EYA2: variants seen among roughly 807,000 people sequenced by gnomAD.
The protein encoded by EYA2 is EYA transcriptional coactivator and phosphatase 2.
A neutral mutation model predicts 69.2 loss-of-function variants in EYA2; 31 were observed. The observed-to-expected ratio is 0.45, with a 90% CI of 0.34 to 0.60. EYA2 has a LOEUF of 0.60. EYA2 is among the 20% of genes least tolerant of loss of function. The probability of loss-of-function intolerance (pLI) is 0.02; values close to 1 mark genes in which losing one functional copy is unlikely to be tolerated. For synonymous variants in EYA2, 257 were observed against 279.4 expected, an observed-to-expected ratio of 0.92 and a Z score of 0.80; for missense variants, 622 against 701.2, an observed-to-expected ratio of 0.89 and a Z score of 1.28.
chr20:47,054,423 A>C (rs934128699), intron 5 of EYA2, among the ~76,000 whole-genome samples: 1 of 152,220 alleles, frequency 6.6e-6, no homozygotes, highest in African/African-American at 2.4e-5. Flanking sequence ...TGTCGAATTC[A>C]TGAATCCGTC....
chr20:47,127,359 T>G (rs2033218886), intron 9 of EYA2, among the ~76,000 whole-genome samples: 1 of 152,142 alleles, frequency 6.6e-6, no homozygotes, highest in Admixed American at 6.6e-5. Flanking sequence ...ATCCCAGCAC[T>G]TTGGAAGGCC....
chr20:46,981,695 G>A (rs2146313854), intron 1 of EYA2, among the ~76,000 whole-genome samples: 1 of 152,194 alleles, frequency 6.6e-6, no homozygotes, highest in South Asian at 2.1e-4. Flanking sequence ...ATTATTGTAT[G>A]TCCCTGTAAA....
intron 1 of EYA2, among the ~76,000 whole-genome samples, chr20:46,941,591 G>A (rs1986155710): frequency 6.6e-6 from 1 of 152,184 alleles, no homozygotes; most frequent in Admixed American, 6.5e-5. Flanking sequence ...TTTACCTGCT[G>A]TGTGATGTTG....
intron 12 of EYA2, among the ~76,000 whole-genome samples, chr20:47,179,321 G>A (rs1219797551): frequency 9.3e-6 from 1 of 107,564 alleles, no homozygotes; most frequent in Admixed American, 8.5e-5. Flanking sequence ...CTGATGGGTG[G>A]GTGGGTGTGT....
chr20:47,053,667 C>CAAAAAAAAA (rs1215223667), intron 5 of EYA2, among the ~76,000 whole-genome samples: 1 of 66,794 alleles, frequency 1.5e-5, no homozygotes, highest in African/African-American at 5.7e-5. Context: ...GACCTTGTCT[C>CAAAAAAAAA]AAAAAAAAAA....
chr20:47,121,304 G>A (rs2033037340), intron 9 of EYA2, among the ~76,000 whole-genome samples: 1 of 152,110 alleles, frequency 6.6e-6, no homozygotes, highest in Admixed American at 6.6e-5. Flanking sequence ...GTTTGGCCAG[G>A]CTTGTCTCGA....
chr20:47,092,458 C>T (rs1411485591), intron 8 of EYA2, among the ~76,000 whole-genome samples: 1 of 152,206 alleles, frequency 6.6e-6, no homozygotes, highest in East Asian at 1.9e-4. Context: ...TCAGGTTGTA[C>T]TTGCTGTCTG....
At chr20:47,084,541 A>T (rs1054587889) in intron 7 of EYA2, among the ~76,000 whole-genome samples, 3 of 152,304 alleles carry the variant, frequency 2.0e-5, no homozygotes, top group Admixed American at 6.5e-5. Flanking sequence ...TGTCTCAAAA[A>T]ATAAAGAAAT....
At chr20:47,107,699 CAAAAG>C (rs754411083) in intron 9 of EYA2, among the ~76,000 whole-genome samples, 25 of 112,000 alleles carry the variant, frequency 2.2e-4, no homozygotes, top group South Asian at 8.5e-4. Context: ...AAAGAAAAAA[CAAAAG>C]AGAAGAAGGA....
At chr20:47,089,436 A>G in intron 8 of EYA2, 55 bp downstream of exon 8, 2 of 1,556,200 alleles carry the variant, frequency 1.3e-6, no homozygotes, top group Non-Finnish European at 1.7e-6. Flanking sequence ...TCTGAGGCCC[A>G]AACAAGAGTG....
At chr20:47,010,614 G>A (rs915666193) in intron 4 of EYA2, among the ~76,000 whole-genome samples, 2 of 109,014 alleles carry the variant, frequency 1.8e-5, no homozygotes, top group African/African-American at 6.9e-5. Flanking sequence ...GGGTGACAGA[G>A]TGAAATCCTG....
intron 4 of EYA2, among the ~76,000 whole-genome samples, chr20:47,014,633 T>C (rs922824638): frequency 4.2e-4 from 42 of 99,966 alleles, no homozygotes; most frequent in African/African-American, 1.7e-3. Context: ...ACAAAATGTG[T>C]GTGTGTGTGT....
chr20:47,114,917 C>T (rs978657574), intron 9 of EYA2, among the ~76,000 whole-genome samples: 5 of 152,206 alleles, frequency 3.3e-5, no homozygotes, highest in African/African-American at 1.2e-4. Flanking sequence ...GGCCTTCTGC[C>T]ATGAATAAAA....
At position 47,089,526 on chromosome 20, in the gene EYA2, G is replaced by A. The variant is rs544477658; in HGVS notation, c.804+145G>A. On this transcript the variant is annotated intron_variant, in intron 8 of 15. Transcript: ENST00000327619. ...AGCATGAGCAGGGAAGCATGAGGTT[G>A]TCCAAGCAGGTAGTCCTGGGGCCAG... 2.5e-4 allele frequency: 231 copies of A among 932,402 alleles called. No homozygotes were observed. The African/African-American group carries it at 2.8e-3, about 11-fold the overall frequency. The allele number at this position is 932,402 out of a possible 1,614,324, so 57.8% of individuals were successfully genotyped here. A position where few individuals can be genotyped will look rare whatever the true frequency, so the allele number is the denominator to read the frequency against.
chr20:47,005,857 A>G (rs911968194), intron 4 of EYA2, among the ~76,000 whole-genome samples: 2 of 152,196 alleles, frequency 1.3e-5, no homozygotes, highest in Admixed American at 1.3e-4. Context: ...TCTGGCCTTG[A>G]GTCATGCTAT....
intron 1 of EYA2, among the ~76,000 whole-genome samples, chr20:46,936,244 G>A (rs558043426): frequency 2.6e-4 from 40 of 152,310 alleles, no homozygotes; most frequent in African/African-American, 9.4e-4. Context: ...GCCTAGGCAG[G>A]CAGATCGCCT....
chr20:46,923,686 T>G (rs1985283373), intron 1 of EYA2, among the ~76,000 whole-genome samples: 1 of 152,188 alleles, frequency 6.6e-6, no homozygotes, highest in African/African-American at 2.4e-5. Flanking sequence ...ATAATACACG[T>G]GTGCTGGGTG....
chr20:46,915,379 A>G (rs1335122609), intron 1 of EYA2, among the ~76,000 whole-genome samples: 1 of 152,184 alleles, frequency 6.6e-6, no homozygotes, highest in Non-Finnish European at 1.5e-5. Context: ...TGGATACGCC[A>G]TTCTTTCCAC....
At chr20:47,031,813 AGGGGCAGGGGTG>A (rs920913887) in intron 5 of EYA2, among the ~76,000 whole-genome samples, 1 of 152,098 alleles carries the variant, frequency 6.6e-6, no homozygotes, top group Admixed American at 6.5e-5. Context: ...GATCATTGGC[AGGGGCAGGGGTG>A]GGGGAAGGGG....
Sources: allele counts gnomAD v4.1 joint callset (sites outside exome capture counted in the v4.1 genomes callset), GRCh38; gene constraint gnomAD v4.1.1; transcripts MANE v1.5; gene names NCBI Gene and HGNC (gene_info 2026-07-23, HGNC 2026-07-21).